The following CLTB variants were observed in gnomAD, a reference collection of about 807,000 sequenced individuals.
CLTB encodes clathrin, light chain (Lcb).
In CLTB, 10 loss-of-function variants were observed where a neutral mutation model predicts 30.5. The observed-to-expected ratio is 0.33, with a 90% CI of 0.20 to 0.56. The LOEUF is 0.56. CLTB is among the 20% of genes least tolerant of loss of function. The probability of loss-of-function intolerance (pLI) is 0.91; values close to 1 mark genes in which losing one functional copy is unlikely to be tolerated. For missense variants in CLTB, 261 were observed against 308.3 expected, an observed-to-expected ratio of 0.85 and a Z score of 1.15; for synonymous variants, 102 against 120.3, an observed-to-expected ratio of 0.85 and a Z score of 1.00.
rs754778571 is a variant in CLTB, at chr5:176,416,280, C to A, written c.84G>T (p.Leu28=). The change falls in exon 1 of 6, where the codon CTG becomes CTT. Residue 28 remains leucine, a synonymous_variant. Transcript: ENST00000310418. The part of the protein sequence containing the change: ...AAEEDPAAAF[L]AQQESEIAGI... ...CTGCAATCTCGCTCTCCTGCTGGGC[C>A]AGGAAGGCGGCCGCCGGGTCCTCCT... is the stretch of plus-strand genomic sequence containing the variant. 6.2e-7 allele frequency: 1 copy of A among 1,606,758 alleles called. No individual in the cohort carries two copies. Among genetic ancestry groups the A allele is most frequent in the Non-Finnish European group, 8.5e-7 (1 of 1,177,732 alleles).
At chr5:176,398,547 C>A (rs1756663421) in intron 2 of CLTB, among the ~76,000 whole-genome samples, 2 of 151,834 alleles carry the variant, frequency 1.3e-5, no homozygotes, top group Non-Finnish European at 2.9e-5. Context: ...CCCGACTCTA[C>A]TAAAAATACA....
At chr5:176,399,489 C>CCT (rs1353886688) in intron 2 of CLTB, among the ~76,000 whole-genome samples, 3 of 152,196 alleles carry the variant, frequency 2.0e-5, no homozygotes, top group Non-Finnish European at 4.4e-5. Context: ...TGCCTATAAT[C>CCT]CCAGCACTTC....
chr5:176,394,578 G>C (rs1016982123), intron 5 of CLTB, among the ~76,000 whole-genome samples: 1 of 151,122 alleles, frequency 6.6e-6, no homozygotes, highest in African/African-American at 2.5e-5. Context: ...AGCACTTTGG[G>C]AGGCCAAGGT....
At chr5:176,406,345 C>T in intron 2 of CLTB, 2 of 1,112,186 alleles carry the variant, frequency 1.8e-6, no homozygotes, top group Non-Finnish European at 2.2e-6. Flanking sequence ...CCCTAGAATC[C>T]CTCTCCTGAG....
chr5:176,401,456 A>C (rs1292174537), intron 2 of CLTB, among the ~76,000 whole-genome samples: 1 of 152,184 alleles, frequency 6.6e-6, no homozygotes. Context: ...GGGTGTTTTG[A>C]CAGGAATCCT....
intron 1 of CLTB, among the ~76,000 whole-genome samples, chr5:176,415,913 C>A (rs980716062): frequency 3.9e-5 from 6 of 152,210 alleles, no homozygotes; most frequent in African/African-American, 7.2e-5. Flanking sequence ...GATTCCAGAG[C>A]CGGGCAGTGG....
intron 2 of CLTB, among the ~76,000 whole-genome samples, chr5:176,403,049 ATTTT>A (rs34807992): frequency 1.4e-5 from 2 of 137,990 alleles, no homozygotes; most frequent in African/African-American, 2.7e-5. Flanking sequence ...GCCTGCCCTA[ATTTT>A]TTTTTTTTTT....
Position 176,397,467 on chromosome 5 carries a change from C to A in CLTB, c.464+140G>T, listed in dbSNP as rs1212213350. On this transcript the variant is annotated intron_variant, in intron 4 of 5. Coordinates refer to ENST00000310418, the MANE Select transcript of CLTB (RefSeq NM_007097.5). ...CACAGCCCGTCTCATGTCCCCACGG[C>A]CCCCTCATGTCCCCACAGCTCCCTC... 7 of 606,502 alleles carry A rather than the reference C, an allele frequency of 1.2e-5. No homozygotes were observed. The African/African-American group carries it at 1.4e-4, about 12-fold the overall frequency. The allele number at this position is 606,502 out of a possible 1,614,324, so 37.6% of individuals were successfully genotyped here.
intron 2 of CLTB, among the ~76,000 whole-genome samples, chr5:176,408,930 C>A (rs1314092057): frequency 2.0e-5 from 3 of 152,234 alleles, no homozygotes; most frequent in Admixed American, 2.0e-4. Context: ...TGGGGCTAAC[C>A]ATTGTTAACA....
intron 2 of CLTB, among the ~76,000 whole-genome samples, chr5:176,409,052 C>G (rs1336046017): frequency 6.6e-6 from 1 of 152,180 alleles, no homozygotes; most frequent in Admixed American, 6.5e-5. Context: ...TCTCGGCTCA[C>G]CGCAACCTCC....
intron 4 of CLTB, among the ~76,000 whole-genome samples, chr5:176,396,885 C>T (rs1023918327): frequency 6.6e-6 from 1 of 152,112 alleles, no homozygotes; most frequent in Non-Finnish European, 1.5e-5. Context: ...CTCCCTGGCC[C>T]CCTGTTGCCT....
rs1014341398 is a variant in CLTB at position 176,412,056 on chromosome 5, G to A, written c.188-1753C>T. The stretch of plus-strand genomic sequence containing the variant: ...CCAGGCGTGGTGGCAGGCGCCTGTA[G>A]TCCCAGCCACTCGGGAGGCTGAGGC... On this transcript the variant is annotated intron_variant, in intron 1 of 5. Transcript: ENST00000310418. Among the ~76,000 whole-genome samples, 5 of 151,740 alleles carry A rather than the reference G, an allele frequency of 3.3e-5. No homozygotes were observed. The East Asian group carries it at 7.8e-4, about 24-fold the overall frequency.
In CLTB at chr5:176,397,844, G is replaced by A. The variant is rs1561792820; in HGVS notation, c.352+86C>T. 8 of 1,469,580 alleles carry A rather than the reference G, an allele frequency of 5.4e-6. No homozygotes were observed. In the Admixed American group the frequency reaches 1.3e-4, roughly 25 times the overall value. The allele number at this position is 1,469,580 out of a possible 1,614,324, so 91.0% of individuals were successfully genotyped here. On this transcript the variant is annotated intron_variant, in intron 3 of 5. Transcript: ENST00000310418. ...CCGGCCCAGTCCCACATTAAGGCAT[G>A]CAGCATCCCATGCACTCCGAGGACT...
intron 2 of CLTB, among the ~76,000 whole-genome samples, chr5:176,402,398 C>T (rs921504250): frequency 6.6e-6 from 1 of 152,264 alleles, no homozygotes; most frequent in Non-Finnish European, 1.5e-5. Context: ...CCTCTGATTT[C>T]TGTCCTCTAT....
chr5:176,396,430 G>A lies in CLTB; in HGVS notation c.518+49C>T, dbSNP rs1197188017. On this transcript the variant is annotated intron_variant, in intron 5 of 5. Coordinates refer to ENST00000310418, the MANE Select transcript of CLTB (RefSeq NM_007097.5). ...GCAGGAAACTCAAGAAACTGTGGTG[G>A]CCATTCCCTCTCTAGCTCCCCCAAC... is the stretch of plus-strand genomic sequence containing the variant. 5.4e-6 allele frequency: 8 copies of A among 1,476,612 alleles called. No individual in the cohort carries two copies. The South Asian group carries it at 9.0e-5, about 17-fold the overall frequency. The allele number at this position is 1,476,612 out of a possible 1,614,324, so 91.5% of individuals were successfully genotyped here.
chr5:176,394,285 A>C (rs1468696350), intron 5 of CLTB, among the ~76,000 whole-genome samples: 1 of 152,218 alleles, frequency 6.6e-6, no homozygotes, highest in Non-Finnish European at 1.5e-5. Context: ...ATGACGACAG[A>C]GCCTGTCAGA....
intron 2 of CLTB, among the ~76,000 whole-genome samples, chr5:176,403,675 A>G (rs865851681): frequency 9.4e-5 from 14 of 148,826 alleles, no homozygotes; most frequent in Middle Eastern, 3.8e-3. Flanking sequence ...GCTGGTCTTG[A>G]ACTCCTGACC....
In CLTB at chr5:176,392,838, C is replaced by T; in HGVS notation, c.626G>A (p.Cys209Tyr). 1.2e-6 allele frequency: 2 copies of T among 1,614,264 alleles called. No individual in the cohort carries two copies. Among genetic ancestry groups the T allele is most frequent in the Middle Eastern group, 1.6e-4 (1 of 6,062 alleles). Residue 209 changes from cysteine (C) to tyrosine (Y), a missense_variant, in exon 6 of 6, where the codon TGC (cysteine) becomes TAC (tyrosine). Physicochemically the swap from Cys to Tyr is radical, Grantham distance 194. Around this residue, in one of 3 missense-constraint regions of CLTB, gnomAD observed 25 missense variants for 48.8 expected, o/e 0.51. Transcript: ENST00000310418. The surrounding 1 kb of genome is among the most constrained non-coding windows in gnomAD (Gnocchi z 5.2). ...CGAGCGCAGGCGGGACACATCTTTG[C>T]ACTGCTTGCTGCTCTTGGGGTTGAA... Reference protein sequence around the residue: ...CDFNPKSSKQCKDVSRLRSVL... With the variant: ...CDFNPKSSKQYKDVSRLRSVL...
intron 2 of CLTB, chr5:176,401,718 G>A: frequency 2.2e-6 from 1 of 456,230 alleles, no homozygotes; most frequent in Non-Finnish European, 4.4e-6. Context: ...AACCTCCTTT[G>A]CTTTCTTGGA....
Sources: gnomAD v4.1 joint callset for allele counts (sites outside exome capture counted in the v4.1 genomes callset) on GRCh38, gnomAD v4.1.1 for gene constraint, gnomAD v4.1.1 regional missense constraint, Gnocchi (gnomAD v3.1) non-coding constraint, MANE v1.5 for transcripts, NCBI Gene and HGNC (gene_info 2026-07-23, HGNC 2026-07-21) for gene names.